The following HNRNPA0 variants were observed in gnomAD, a reference collection of about 807,000 sequenced individuals.
HNRNPA0 encodes the protein heterogeneous nuclear ribonucleoprotein A0, also known as hnRNA binding protein.
For missense variants in HNRNPA0, 252 were observed against 433.7 expected (o/e 0.58, Z 3.72); for synonymous variants, 243 against 195.5 (o/e 1.24, Z -2.03).
rs186152579 is a variant in HNRNPA0 at position 137,747,489 on chromosome 5, T to C, written c.*5660A>G. On this transcript the variant is annotated 3_prime_UTR_variant, in exon 1 of 1. Transcript: ENST00000314940. The stretch of plus-strand genomic sequence containing the variant: ...CTTCCTATTACCAGTGGCATCACCA[T>C]CCTCTCACACAGTAATTTTGATTAA... The C allele has an allele frequency of 6.6e-6, 1 of 152,352 alleles. No individual in the cohort carries two copies. Among genetic ancestry groups the C allele is most frequent in the East Asian group, 1.9e-4 (1 of 5,192 alleles). 9.4% of individuals were successfully genotyped at this position (152,352 alleles called of 1,614,324 possible). A position where few individuals can be genotyped will look rare whatever the true frequency, so the allele number is the denominator to read the frequency against.
Position 137,751,186 on chromosome 5 carries a change from CAT to C in HNRNPA0, c.*1961_*1962del, listed in dbSNP as rs1196055727. The C allele has an allele frequency of 3.9e-5, 6 of 151,942 alleles. No homozygotes were observed. Among genetic ancestry groups the C allele is most frequent in the African/African-American group, 1.4e-4 (6 of 41,448 alleles). The allele number at this position is 151,942 out of a possible 1,614,324, so 9.4% of individuals were successfully genotyped here. A position where few individuals can be genotyped will look rare whatever the true frequency, so the allele number is the denominator to read the frequency against. ...GTGTAAAAACATCCACCCCGTTTGT[CAT>C]AGAGGATATAACACTATTTGTACCA... On this transcript the variant is annotated 3_prime_UTR_variant, in exon 1 of 1. Transcript: ENST00000314940.
At position 137,753,881 on chromosome 5, in the gene HNRNPA0, G is replaced by A. The variant is rs750245760; in HGVS notation, c.186C>T (p.Asp62=). The A allele has an allele frequency of 1.9e-6, 3 of 1,613,614 alleles. No individual in the cohort carries two copies. The highest frequency in any genetic ancestry group is 2.5e-6 in the Non-Finnish European group (3 of 1,180,026). ...FVTYSNVEEA[D]AAMAASPHAV... is the part of the protein sequence containing the mutation. ...CATGGGGCGAGGCGGCCATGGCGGC[G>A]TCCGCCTCCTCCACATTGGAGTAGG... Residue 62 remains aspartate, a synonymous_variant, in exon 1 of 1, where the codon GAC becomes GAT. Transcript: ENST00000314940. This position sits in a 1 kb window ranked among gnomAD's most constrained non-coding sequence, Gnocchi z 6.1.
rs182003806 is a variant in HNRNPA0, at chr5:137,746,720, T to C, written c.*6429A>G. On this transcript the variant is annotated 3_prime_UTR_variant, in exon 1 of 1. Coordinates refer to ENST00000314940, the MANE Select transcript of HNRNPA0 (RefSeq NM_006805.4). ...CTAACATACCATATAATTGATTATGTCTTATTGCCTGTCTCTCCCCAGTAA... is the reference window on the plus strand; with the variant it reads ...CTAACATACCATATAATTGATTATGCCTTATTGCCTGTCTCTCCCCAGTAA... 6.6e-6 allele frequency: 1 copy of C among 152,234 alleles called. No individual in the cohort carries two copies. Among genetic ancestry groups the C allele is most frequent in the Non-Finnish European group, 1.5e-5 (1 of 68,042 alleles). The allele number at this position is 152,234 out of a possible 1,614,324, so 9.4% of individuals were successfully genotyped here. A position where few individuals can be genotyped will look rare whatever the true frequency, so the allele number is the denominator to read the frequency against.
Position 137,747,501 on chromosome 5 carries a change from G to GT in HNRNPA0, c.*5647dup, listed in dbSNP as rs1158316795. The stretch of plus-strand genomic sequence containing the variant: ...AGTGGCATCACCATCCTCTCACACA[G>GT]TAATTTTGATTAATCTACTCTCTCT... On this transcript the variant is annotated 3_prime_UTR_variant, in exon 1 of 1. Coordinates refer to ENST00000314940, the MANE Select transcript of HNRNPA0 (RefSeq NM_006805.4). 1 of 152,126 alleles carries GT rather than the reference G, an allele frequency of 6.6e-6. No homozygotes were observed. Among genetic ancestry groups the GT allele is most frequent in the Non-Finnish European group, 1.5e-5 (1 of 68,014 alleles). The allele number at this position is 152,126 out of a possible 1,614,324, so 9.4% of individuals were successfully genotyped here. A position where few individuals can be genotyped will look rare whatever the true frequency, so the allele number is the denominator to read the frequency against.
rs1031697414 is a variant in HNRNPA0, at chr5:137,754,308, A to T, written c.-242T>A. ...AGGAGACTGGAAGACAACCAAGGCC[A>T]CCGCTACCGCCGCCGCCGCCACCTC... On this transcript the variant is annotated 5_prime_UTR_variant, in exon 1 of 1. Coordinates refer to ENST00000314940, the MANE Select transcript of HNRNPA0 (RefSeq NM_006805.4). 5 of 495,004 alleles carry T rather than the reference A, an allele frequency of 1.0e-5. No homozygotes were observed. The highest frequency in any genetic ancestry group is 1.8e-5 in the Non-Finnish European group (5 of 274,820). 30.7% of individuals were successfully genotyped at this position (495,004 alleles called of 1,614,324 possible).
In HNRNPA0 at chr5:137,753,023, T is replaced by G. The variant is rs1162682580; in HGVS notation, c.*126A>C. 4.0e-6 allele frequency: 4 copies of G among 988,584 alleles called. No individual in the cohort carries two copies. Among genetic ancestry groups the G allele is most frequent in the Non-Finnish European group, 5.9e-6 (4 of 676,838 alleles). 61.2% of individuals were successfully genotyped at this position (988,584 alleles called of 1,614,324 possible). On this transcript the variant is annotated 3_prime_UTR_variant, in exon 1 of 1. Transcript: ENST00000314940. The surrounding 1 kb of genome is among the most constrained non-coding windows in gnomAD (Gnocchi z 6.1). ...CCCCAAGGGTAAGCAGCCTTAGAAG[T>G]GGCTCCCCCAAGGGCAAAACAGGGA...
At position 137,753,349 on chromosome 5, in the gene HNRNPA0, CGCCGCCGCCGCCTCCGTAGGCATTGTA is replaced by C. The variant is rs1243649594; in HGVS notation, c.691_717del (p.Tyr231_Gly239del). On this transcript the variant is annotated inframe_deletion, in exon 1 of 1. Transcript: ENST00000314940. The surrounding 1 kb of genome is among the most constrained non-coding windows in gnomAD (Gnocchi z 6.1). ...TAGTCGCTCCCACCGTAGGACGAAC[CGCCGCCGCCGCCTCCGTAGGCATTGTA>C]GCCGCCGCCTCCGCCGCCGCCGTAA... is the stretch of plus-strand genomic sequence containing the variant. 3 of 1,549,126 alleles carry C rather than the reference CGCCGCCGCCGCCTCCGTAGGCATTGTA, an allele frequency of 1.9e-6. No individual in the cohort carries two copies. Among genetic ancestry groups the C allele is most frequent in the Non-Finnish European group, 2.6e-6 (3 of 1,146,698 alleles).
rs1262099526 is a variant in HNRNPA0 at position 137,753,432 on chromosome 5, C to G, written c.635G>C (p.Gly212Ala). Residue 212 changes from glycine (G) to alanine (A), a missense_variant, in exon 1 of 1, where the codon GGC becomes GCC. Coordinates refer to ENST00000314940, the MANE Select transcript of HNRNPA0 (RefSeq NM_006805.4). The surrounding 1 kb of genome is among the most constrained non-coding windows in gnomAD (Gnocchi z 6.1). ...GTAGCTGTTGTAACCGCCGCCGCCG[C>G]CCTTGGAAAGGCCGTTCTGGTCTCG... ...GGRDQNGLSK[G>A]GGGGYNSYGG... 6.4e-7 allele frequency: 1 copy of G among 1,553,010 alleles called. No individual in the cohort carries two copies. Among genetic ancestry groups the G allele is most frequent in the African/African-American group, 1.4e-5 (1 of 73,054 alleles).
In HNRNPA0 at chr5:137,748,048, G is replaced by A. The variant is rs1753438010; in HGVS notation, c.*5101C>T. ...GGCATGAGATTTAGCAACCTTATCT[G>A]TGAAGGTTACTGAATGATGCAATGA... is the stretch of plus-strand genomic sequence containing the variant. On this transcript the variant is annotated 3_prime_UTR_variant, in exon 1 of 1. Coordinates refer to ENST00000314940, the MANE Select transcript of HNRNPA0 (RefSeq NM_006805.4). 1 of 152,134 alleles carries A rather than the reference G, an allele frequency of 6.6e-6. No individual in the cohort carries two copies. The highest frequency in any genetic ancestry group is 6.5e-5 in the Admixed American group (1 of 15,276). The allele number at this position is 152,134 out of a possible 1,614,324, so 9.4% of individuals were successfully genotyped here.
Position 137,745,904 on chromosome 5 carries a change from T to C in HNRNPA0, c.*7245A>G, listed in dbSNP as rs1753403264. On this transcript the variant is annotated 3_prime_UTR_variant, in exon 1 of 1. Transcript: ENST00000314940. ...TTACCTGGCATGTACCAAAATTCCA[T>C]ACTCCCAGAAGGAAAGCAGGTGTTT... 1 of 152,230 alleles carries C rather than the reference T, an allele frequency of 6.6e-6. No homozygotes were observed. Among genetic ancestry groups the C allele is most frequent in the African/African-American group, 2.4e-5 (1 of 41,456 alleles). 9.4% of individuals were successfully genotyped at this position (152,230 alleles called of 1,614,324 possible).
At position 137,749,558 on chromosome 5, in the gene HNRNPA0, CTT is replaced by C. The variant is rs1753463519; in HGVS notation, c.*3589_*3590del. ...CTAAGGAGTTATTTGACTAGGCAGT[CTT>C]TGTTGCTGTTTCAAAAGGCCAAAAT... On this transcript the variant is annotated 3_prime_UTR_variant, in exon 1 of 1. Transcript: ENST00000314940. 6.6e-6 allele frequency: 1 copy of C among 152,192 alleles called. No homozygotes were observed. The highest frequency in any genetic ancestry group is 2.1e-4 in the South Asian group (1 of 4,828). The allele number at this position is 152,192 out of a possible 1,614,324, so 9.4% of individuals were successfully genotyped here. A position where few individuals can be genotyped will look rare whatever the true frequency, so the allele number is the denominator to read the frequency against.
chr5:137,746,944 AAAG>A lies in HNRNPA0; in HGVS notation c.*6202_*6204del, dbSNP rs1176694873. ...GAAGATCAAGTCATAAGAAAATGTG[AAAG>A]AAGTTTTTTTTTTTAATTTCACTGA... On this transcript the variant is annotated 3_prime_UTR_variant, in exon 1 of 1. Coordinates refer to ENST00000314940, the MANE Select transcript of HNRNPA0 (RefSeq NM_006805.4). 4.6e-5 allele frequency: 7 copies of A among 152,184 alleles called. No individual in the cohort carries two copies. The highest frequency in any genetic ancestry group is 8.8e-5 in the Non-Finnish European group (6 of 68,042). The allele number at this position is 152,184 out of a possible 1,614,324, so 9.4% of individuals were successfully genotyped here.
chr5:137,753,193 C>A lies in HNRNPA0; in HGVS notation c.874G>T (p.Gly292Cys). ...TAGCCACCCCCACCGCCATAGCCGCCTCTGTAAGGTCCACTATTACTGCGA... is the reference window on the plus strand; with the variant it reads ...TAGCCACCCCCACCGCCATAGCCGCATCTGTAAGGTCCACTATTACTGCGA... ...GGRSNSGPYR[G>C]GYGGGGGYGG... is the part of the protein sequence containing the mutation. The change falls in exon 1 of 1, where the codon GGC (glycine) becomes TGC (cysteine). Residue 292 changes from glycine (G) to cysteine (C), a missense_variant. Gly to Cys is a radical substitution (Grantham distance 159, BLOSUM62 -3). Coordinates refer to ENST00000314940, the MANE Select transcript of HNRNPA0 (RefSeq NM_006805.4). This position sits in a 1 kb window ranked among gnomAD's most constrained non-coding sequence, Gnocchi z 6.1. 1 of 1,613,948 alleles carries A rather than the reference C, an allele frequency of 6.2e-7. No individual in the cohort carries two copies. Among genetic ancestry groups the A allele is most frequent in the Non-Finnish European group, 8.5e-7 (1 of 1,180,010 alleles).
chr5:137,754,185 C>T lies in HNRNPA0; in HGVS notation c.-119G>A. 1.5e-6 allele frequency: 2 copies of T among 1,321,238 alleles called. No individual in the cohort carries two copies. Among genetic ancestry groups the T allele is most frequent in the Non-Finnish European group, 2.0e-6 (2 of 984,236 alleles). The allele number at this position is 1,321,238 out of a possible 1,614,324, so 81.8% of individuals were successfully genotyped here. On this transcript the variant is annotated 5_prime_UTR_variant, in exon 1 of 1. Transcript: ENST00000314940. ...CCAGCCGTTGCTGGAGCCACCCCCG[C>T]CGCTCACCGACGGGGAAGGGAAAAA...
chr5:137,753,096 G>A lies in HNRNPA0; in HGVS notation c.*53C>T. 1.3e-6 allele frequency: 2 copies of A among 1,543,794 alleles called. No individual in the cohort carries two copies. Among genetic ancestry groups the A allele is most frequent in the Non-Finnish European group, 8.8e-7 (1 of 1,137,520 alleles). On this transcript the variant is annotated 3_prime_UTR_variant, in exon 1 of 1. Coordinates refer to ENST00000314940, the MANE Select transcript of HNRNPA0 (RefSeq NM_006805.4). The surrounding 1 kb of genome is among the most constrained non-coding windows in gnomAD (Gnocchi z 6.1). ...GGGCTTAGGAGTTGACCCCACTTGG[G>A]CTGTTGGAAAGAGCTACCCCTATAG... is the stretch of plus-strand genomic sequence containing the variant.
At position 137,746,965 on chromosome 5, in the gene HNRNPA0, T is replaced by G. The variant is rs543209783; in HGVS notation, c.*6184A>C. 2.6e-5 allele frequency: 4 copies of G among 152,124 alleles called. No homozygotes were observed. Among genetic ancestry groups the G allele is most frequent in the Non-Finnish European group, 4.4e-5 (3 of 68,010 alleles). The allele number at this position is 152,124 out of a possible 1,614,324, so 9.4% of individuals were successfully genotyped here. ...TGTGAAAGAAGTTTTTTTTTTTAAT[T>G]TCACTGAAGAGATGACCACAGTATA... On this transcript the variant is annotated 3_prime_UTR_variant, in exon 1 of 1. Transcript: ENST00000314940.
Position 137,754,195 on chromosome 5 carries a change from A to G in HNRNPA0, c.-129T>C. ...CTGGAGCCACCCCCGCCGCTCACCG[A>G]CGGGGAAGGGAAAAAGGGAAGGGGA... On this transcript the variant is annotated 5_prime_UTR_variant, in exon 1 of 1. Coordinates refer to ENST00000314940, the MANE Select transcript of HNRNPA0 (RefSeq NM_006805.4). 2 of 1,228,992 alleles carry G rather than the reference A, an allele frequency of 1.6e-6. No individual in the cohort carries two copies. The highest frequency in any genetic ancestry group is 2.2e-6 in the Non-Finnish European group (2 of 903,166). The allele number at this position is 1,228,992 out of a possible 1,614,324, so 76.1% of individuals were successfully genotyped here. A position where few individuals can be genotyped will look rare whatever the true frequency, so the allele number is the denominator to read the frequency against.
In HNRNPA0 at chr5:137,747,938, C is replaced by T. The variant is rs533028442; in HGVS notation, c.*5211G>A. On this transcript the variant is annotated 3_prime_UTR_variant, in exon 1 of 1. Transcript: ENST00000314940. ...AGTCAATGAAGCTTAGTAGAAGGAG[C>T]GAAACAACTAGAATTGGTCAAACTT... 2 of 152,240 alleles carry T rather than the reference C, an allele frequency of 1.3e-5. No homozygotes were observed. The highest frequency in any genetic ancestry group is 1.9e-4 in the East Asian group (1 of 5,192). 9.4% of individuals were successfully genotyped at this position (152,240 alleles called of 1,614,324 possible).
At position 137,751,097 on chromosome 5, in the gene HNRNPA0, CAG is replaced by C. The variant is rs1010218316; in HGVS notation, c.*2050_*2051del. On this transcript the variant is annotated 3_prime_UTR_variant, in exon 1 of 1. Coordinates refer to ENST00000314940, the MANE Select transcript of HNRNPA0 (RefSeq NM_006805.4). ...GTATCACTAGAATTAAAAAATAAGA[CAG>C]AAATGTATGGAAAGTGTACAACTAT... is the stretch of plus-strand genomic sequence containing the variant. 3.9e-5 allele frequency: 6 copies of C among 152,060 alleles called. No homozygotes were observed. Among genetic ancestry groups the C allele is most frequent in the Non-Finnish European group, 7.4e-5 (5 of 67,984 alleles). The allele number at this position is 152,060 out of a possible 1,614,324, so 9.4% of individuals were successfully genotyped here.
Sources: allele counts gnomAD v4.1 joint callset, GRCh38; gene constraint gnomAD v4.1.1; non-coding constraint Gnocchi (gnomAD v3.1); transcripts MANE v1.5; gene names NCBI Gene and HGNC (gene_info 2026-07-23, HGNC 2026-07-21).